The following GAA variants were observed in gnomAD, a reference collection of about 807,000 sequenced individuals.
GAA encodes the protein lysosomal alpha-glucosidase.
GAA carries 88 observed loss-of-function variants against 103.9 expected under a neutral mutation model. The ratio of observed to expected loss-of-function variants is 0.85; its 90% CI spans 0.71 to 1.01. The LOEUF (loss-of-function observed/expected upper bound fraction) is 1.01, where lower values mean the gene tolerates loss of function less well. Among genes scored for constraint, GAA ranks in the 50% least tolerant of loss-of-function variants. GAA has a pLI of 0.00. For synonymous variants in GAA, 572 were observed against 563.1 expected (o/e 1.02, Z -0.22); for missense variants, 1,350 against 1,305.3 (o/e 1.03, Z -0.53).
intron 3 of GAA, 138 bp from the exon 4 acceptor site, chr17:80,107,419 C>G: frequency 8.8e-7 from 1 of 1,133,354 alleles, no homozygotes. Flanking sequence ...GCCGCCTGTC[C>G]CAGGGTCAGT....
In GAA at chr17:80,118,794, C is replaced by G; in HGVS notation, c.2788C>G (p.Pro930Ala). 1 of 1,613,346 alleles carries G rather than the reference C, an allele frequency of 6.2e-7. No individual in the cohort carries two copies. The highest frequency in any genetic ancestry group is 8.5e-7 in the Non-Finnish European group (1 of 1,180,036). The change falls in exon 19 of 20, where the codon CCC (proline) becomes GCC (alanine). Residue 930 changes from proline to alanine, a missense_variant. Physicochemically the swap from Pro to Ala is conservative, Grantham distance 27. Transcript: ENST00000302262. ...GVPVSNFTYS[P>A]DTKVLDICVS... ...CCCTGTCTCCAACTTCACCTACAGC[C>G]CCGACACCAAGGCAAGAGGGCCCAG... is the stretch of plus-strand genomic sequence containing the variant.
chr17:80,109,826 C>T (rs1240093893), intron 8 of GAA, 119 bp from the exon 9 acceptor site: 1 of 718,388 alleles, frequency 1.4e-6, no homozygotes, highest in Admixed American at 2.2e-5. Flanking sequence ...CACAGGCAGG[C>T]ATGCTGTACA....
chr17:80,118,546 C>T, intron 18 of GAA, 107 bp from the exon 19 acceptor site: 1 of 1,468,826 alleles, frequency 6.8e-7, no homozygotes, highest in East Asian at 2.3e-5. Flanking sequence ...AGGGAGGTCA[C>T]CTCCCTGATG....
In GAA at chr17:80,117,017, G is replaced by C. The variant is rs778981088; in HGVS notation, c.2239G>C (p.Gly747Arg). 1 of 1,613,724 alleles carries C rather than the reference G, an allele frequency of 6.2e-7. No individual in the cohort carries two copies. Among genetic ancestry groups the C allele is most frequent in the South Asian group, 1.1e-5 (1 of 91,086 alleles). The change falls in exon 16 of 20, where the codon GGG becomes CGG. Residue 747 changes from glycine (G) to arginine (R), a missense_variant. Transcript: ENST00000302262. The stretch of plus-strand genomic sequence containing the variant: ...GACTGTGGACCACCAGCTCCTGTGG[G>C]GGGAGGCCCTGCTCATCACCCCAGT... ...TWTVDHQLLW[G>R]EALLITPVLQ...
chr17:80,107,977 G>GC, intron 5 of GAA, 81 bp downstream of exon 5: 1 of 1,349,058 alleles, frequency 7.4e-7, no homozygotes, highest in Middle Eastern at 2.5e-4. Flanking sequence ...CGCATGAGGG[G>GC]CCCTGGGCAC....
chr17:80,115,179 C>G (rs976217991), intron 15 of GAA, among the ~76,000 whole-genome samples: 17 of 152,104 alleles, frequency 1.1e-4, no homozygotes, highest in Non-Finnish European at 2.4e-4. Context: ...CCCTTTCTGT[C>G]TTCTACTCTG....
intron 2 of GAA, 123 bp downstream of exon 2, chr17:80,105,255 C>A: frequency 9.8e-7 from 1 of 1,017,024 alleles, no homozygotes; most frequent in Non-Finnish European, 1.4e-6. Context: ...TTGCTGGGAG[C>A]GGAGGTGTGA....
At chr17:80,109,153 G>C (rs924954045) in intron 8 of GAA, among the ~76,000 whole-genome samples, 1 of 152,172 alleles carries the variant, frequency 6.6e-6, no homozygotes, top group Non-Finnish European at 1.5e-5. Context: ...GGTGGGCCTG[G>C]GCATGGGTAT....
rs1057517148 is a variant in GAA, at chr17:80,117,111, T to A, written c.2331+2T>A. The A allele has an allele frequency of 1.2e-6, 2 of 1,612,238 alleles. No homozygotes were observed. Among genetic ancestry groups the A allele is most frequent in the Non-Finnish European group, 1.7e-6 (2 of 1,179,988 alleles). Reference sequence around the variant, plus strand: ...GGCACATGGTACGACCTGCAGACGGTGAGTCTGGGGACCCTAAGCCCTGGG... The same window carrying A: ...GGCACATGGTACGACCTGCAGACGGAGAGTCTGGGGACCCTAAGCCCTGGG... On this transcript the variant is annotated splice_donor_variant, in intron 16 of 19. Coordinates refer to ENST00000302262, the MANE Select transcript of GAA (RefSeq NM_000152.5). LOFTEE classifies it high-confidence loss of function.
rs187882370 is a variant in GAA, at chr17:80,115,498, C to T, written c.2190-1470C>T. 1.3e-3 allele frequency among the ~76,000 whole-genome samples: 202 copies of T among 152,298 alleles called. 1 individual carries two copies. The highest frequency in any genetic ancestry group is 4.3e-3 in the African/African-American group (177 of 41,552). Reference sequence around the variant, plus strand: ...ACACTTTCCTTTAGTTCTTCAGACACGGTTTCGCTGAGCTCTTTGAACACA... The same window carrying T: ...ACACTTTCCTTTAGTTCTTCAGACATGGTTTCGCTGAGCTCTTTGAACACA... On this transcript the variant is annotated intron_variant, in intron 15 of 19. Coordinates refer to ENST00000302262, the MANE Select transcript of GAA (RefSeq NM_000152.5).
At chr17:80,114,901 C>T (rs2039328564) in intron 15 of GAA, among the ~76,000 whole-genome samples, 1 of 152,198 alleles carries the variant, frequency 6.6e-6, no homozygotes, top group Non-Finnish European at 1.5e-5. Context: ...AAGTTCTGCT[C>T]AACGTAGGGT....
chr17:80,105,871 C>T lies in GAA; in HGVS notation c.669C>T (p.Arg223=). The change falls in exon 3 of 20, where the codon CGC becomes CGT. Residue 223 remains arginine (R), a synonymous_variant. Coordinates refer to ENST00000302262, the MANE Select transcript of GAA (RefSeq NM_000152.5). ...FSEEPFGVIV[R]RQLDGRVLLN... ...AGGAGCCCTTCGGGGTGATCGTGCG[C>T]CGGCAGCTGGACGGCCGCGTGCTGT... 6.3e-7 allele frequency: 1 copy of T among 1,599,630 alleles called. No individual in the cohort carries two copies. The highest frequency in any genetic ancestry group is 8.5e-7 in the Non-Finnish European group (1 of 1,175,806).
Position 80,112,111 on chromosome 17 carries a change from C to T in GAA, c.1754+11C>T, listed in dbSNP as rs371644603. The T allele has an allele frequency of 6.5e-5, 105 of 1,607,102 alleles. No individual in the cohort carries two copies. The African/African-American group carries it at 1.1e-3, about 17-fold the overall frequency. ...CATCGCCTCCCACAGGTGAGGGCCA[C>T]GTCCCGCCCCACTGGGCTCTGCCCT... On this transcript the variant is annotated intron_variant, in intron 12 of 19. Transcript: ENST00000302262.
At chr17:80,103,162 TC>T (rs1303182665) in intron 1 of GAA, among the ~76,000 whole-genome samples, 10 of 152,324 alleles carry the variant, frequency 6.6e-5, no homozygotes, top group African/African-American at 2.4e-4. Flanking sequence ...GTTCACTTCT[TC>T]CTGGTATGTG....
At position 80,113,046 on chromosome 17, in the gene GAA, C is replaced by T. The variant is rs559131285; in HGVS notation, c.2040+19C>T. 1.1e-4 allele frequency: 174 copies of T among 1,603,216 alleles called. 1 individual carries two copies. The African/African-American group carries it at 1.9e-3, about 17-fold the overall frequency. ...CAGTCTGGTAGGGTGGGGGTGGCGGCATGGCAGGTGGGCGATCCCACCCAC... is the reference window on the plus strand; with the variant it reads ...CAGTCTGGTAGGGTGGGGGTGGCGGTATGGCAGGTGGGCGATCCCACCCAC... On this transcript the variant is annotated intron_variant, in intron 14 of 19. Coordinates refer to ENST00000302262, the MANE Select transcript of GAA (RefSeq NM_000152.5).
In GAA at chr17:80,116,524, A is replaced by G. The variant is rs4889967; in HGVS notation, c.2190-444A>G. ...GAATCCTCCGTAGAGCTGCTTGCACATGTACATTCATCTTTTTGTCAGATG... is the reference window on the plus strand; with the variant it reads ...GAATCCTCCGTAGAGCTGCTTGCACGTGTACATTCATCTTTTTGTCAGATG... On this transcript the variant is annotated intron_variant, in intron 15 of 19. Coordinates refer to ENST00000302262, the MANE Select transcript of GAA (RefSeq NM_000152.5). Among the ~76,000 whole-genome samples the G allele has an allele frequency of 0.72, 109,394 of 152,162 alleles. 39,617 individuals are homozygous for G. Among genetic ancestry groups the G allele is most frequent in the Middle Eastern group, 0.86 (253 of 294 alleles).
In GAA at chr17:80,108,848, G is replaced by A. The variant is rs774138443; in HGVS notation, c.1326+20G>A. The A allele has an allele frequency of 8.3e-6, 13 of 1,572,756 alleles. No individual in the cohort carries two copies. The highest frequency in any genetic ancestry group is 9.5e-6 in the Non-Finnish European group (11 of 1,158,722). ...ATCGTGGTGTGTGCCCCCACACTGT[G>A]GGTCTTTGGGAAGGGGGCCGCCCGG... On this transcript the variant is annotated intron_variant, in intron 8 of 19. Coordinates refer to ENST00000302262, the MANE Select transcript of GAA (RefSeq NM_000152.5).
rs748621127 is a variant in GAA, at chr17:80,113,042, G to A, written c.2040+15G>A. The stretch of plus-strand genomic sequence containing the variant: ...TGCTCAGTCTGGTAGGGTGGGGGTG[G>A]CGGCATGGCAGGTGGGCGATCCCAC... On this transcript the variant is annotated intron_variant, in intron 14 of 19. Transcript: ENST00000302262. 1.9e-6 allele frequency: 3 copies of A among 1,605,148 alleles called. No individual in the cohort carries two copies. The highest frequency in any genetic ancestry group is 2.7e-5 in the African/African-American group (2 of 74,932).
chr17:80,105,679 T>C, intron 2 of GAA, 70 bp from the exon 3 acceptor site: 3 of 1,576,580 alleles, frequency 1.9e-6, no homozygotes, highest in Non-Finnish European at 2.6e-6. Flanking sequence ...GACCTGTCCT[T>C]GGCGTGCGGG....
Sources: allele counts gnomAD v4.1 joint callset (sites outside exome capture counted in the v4.1 genomes callset), GRCh38; gene constraint gnomAD v4.1.1; transcripts MANE v1.5; gene names NCBI Gene and HGNC (gene_info 2026-07-23, HGNC 2026-07-21).